Variants in SLIT2 observed in about 807,000 individuals in gnomAD.
SLIT2 encodes the protein slit guidance ligand 2.
In SLIT2, 41 loss-of-function variants were observed where a neutral mutation model predicts 185.7. The observed-to-expected ratio is 0.22, with a 90% CI of 0.17 to 0.29. SLIT2 has a LOEUF of 0.29. Among genes scored for constraint, SLIT2 ranks in the 10% least tolerant of loss-of-function variants. The pLI is 1.00. For missense variants in SLIT2, 1,571 were observed against 1,909.0 expected, an observed-to-expected ratio of 0.82 and a Z score of 3.30; for synonymous variants, 693 against 680.2, an observed-to-expected ratio of 1.02 and a Z score of -0.29.
At chr4:20,342,676 A>G (rs971326154) in intron 4 of SLIT2, among the ~76,000 whole-genome samples, 2 of 134,270 alleles carry the variant, frequency 1.5e-5, no homozygotes, top group Non-Finnish European at 3.2e-5. Flanking sequence ...TAGATATCTT[A>G]TAGTTATTTG....
chr4:20,418,058 C>T lies in SLIT2; in HGVS notation c.396-49694C>T, dbSNP rs548219690. Reference sequence around the variant, plus strand: ...TAGTAGAGTGTACCACTGGAAGAGGCAGAGACATTTTCTGTCTTAATGTTG... The same window carrying T: ...TAGTAGAGTGTACCACTGGAAGAGGTAGAGACATTTTCTGTCTTAATGTTG... On this transcript the variant is annotated intron_variant, in intron 4 of 36. Coordinates refer to ENST00000504154, the MANE Select transcript of SLIT2 (RefSeq NM_004787.4). Among the ~76,000 whole-genome samples, 8 of 152,258 alleles carry T rather than the reference C, an allele frequency of 5.3e-5. No homozygotes were observed. In the East Asian group the frequency reaches 1.6e-3, roughly 30 times the overall value.
chr4:20,383,633 C>A (rs1433662922), intron 4 of SLIT2, among the ~76,000 whole-genome samples: 1 of 152,114 alleles, frequency 6.6e-6, no homozygotes, highest in African/African-American at 2.4e-5. Context: ...AAAAATGGTT[C>A]ATTTATATTG....
At chr4:20,436,761 T>C (rs527539856) in intron 4 of SLIT2, among the ~76,000 whole-genome samples, 41 of 152,216 alleles carry the variant, frequency 2.7e-4, no homozygotes, top group Non-Finnish European at 4.9e-4. Flanking sequence ...GCTACAAAAA[T>C]ATGGCCTGCA....
chr4:20,407,320 C>T (rs1577594403), intron 4 of SLIT2, among the ~76,000 whole-genome samples: 1 of 152,104 alleles, frequency 6.6e-6, no homozygotes, highest in Non-Finnish European at 1.5e-5. Flanking sequence ...CTCTAAGCAA[C>T]TTATTTAAAA....
chr4:20,443,472 A>G (rs1729920257), intron 4 of SLIT2, among the ~76,000 whole-genome samples: 1 of 151,752 alleles, frequency 6.6e-6, no homozygotes, highest in Non-Finnish European at 1.5e-5. Flanking sequence ...CCAAGCAGAT[A>G]ACTTTTAGCT....
chr4:20,456,620 A>T lies in SLIT2; in HGVS notation c.396-11132A>T, dbSNP rs79395031. On this transcript the variant is annotated intron_variant, in intron 4 of 36. Transcript: ENST00000504154. ...CAGTCATTTTGATGAGAAAAATAGG[A>T]TCACATTTTTTATGTGTCTTCATAA... 5.8e-4 allele frequency among the ~76,000 whole-genome samples: 89 copies of T among 152,238 alleles called. 1 individual carries two copies. The East Asian group carries it at 0.016, about 27-fold the overall frequency.
chr4:20,602,743 C>A (rs1356581913), intron 33 of SLIT2, among the ~76,000 whole-genome samples: 3 of 152,286 alleles, frequency 2.0e-5, no homozygotes, highest in South Asian at 4.1e-4. Context: ...CATGTCTTCT[C>A]ATATCCAAGT....
At chr4:20,355,065 G>C (rs150561099) in intron 4 of SLIT2, among the ~76,000 whole-genome samples, 71 of 151,834 alleles carry the variant, frequency 4.7e-4, no homozygotes, top group African/African-American at 1.7e-3. Context: ...CCTAATTTTC[G>C]TGTTGATTAA....
chr4:20,601,411 A>G (rs1049576089), intron 33 of SLIT2, among the ~76,000 whole-genome samples: 6 of 152,218 alleles, frequency 3.9e-5, no homozygotes, highest in African/African-American at 7.2e-5. Flanking sequence ...AACCATAAAC[A>G]ATGATGGCTA....
chr4:20,319,732 G>T (rs1465065829), intron 4 of SLIT2, among the ~76,000 whole-genome samples: 1 of 151,088 alleles, frequency 6.6e-6, no homozygotes, highest in East Asian at 2.0e-4. Flanking sequence ...CTTAGTTATC[G>T]TTTTCTCAGG....
chr4:20,537,070 G>A (rs1043970063), intron 18 of SLIT2, among the ~76,000 whole-genome samples: 17 of 152,278 alleles, frequency 1.1e-4, no homozygotes, highest in African/African-American at 4.1e-4. Flanking sequence ...GGAAGGACCT[G>A]CCTGAGGCTG....
In SLIT2 at chr4:20,256,017, G is replaced by A. The variant is rs574272285; in HGVS notation, c.180-655G>A. On this transcript the variant is annotated intron_variant, in intron 1 of 36. Transcript: ENST00000504154. The stretch of plus-strand genomic sequence containing the variant: ...CAGAAATCTGAACAAAAATGTCAGG[G>A]CCTGAATACTATTTCCATTCTTGCC... Among the ~76,000 whole-genome samples, 12 of 152,258 alleles carry A rather than the reference G, an allele frequency of 7.9e-5. No individual in the cohort carries two copies. In the East Asian group the frequency reaches 2.3e-3, roughly 29 times the overall value.
At chr4:20,485,887 G>A (rs1717184471) in intron 6 of SLIT2, among the ~76,000 whole-genome samples, 1 of 152,158 alleles carries the variant, frequency 6.6e-6, no homozygotes, top group African/African-American at 2.4e-5. Flanking sequence ...ACTATCCCGT[G>A]TTTATTTCTT....
In SLIT2 at chr4:20,550,838, G is replaced by C. The variant is rs746601970; in HGVS notation, c.2501G>C (p.Gly834Ala). The C allele has an allele frequency of 1.2e-6, 2 of 1,604,016 alleles. No individual in the cohort carries two copies. The highest frequency in any genetic ancestry group is 1.7e-6 in the Non-Finnish European group (2 of 1,172,490). Residue 834 changes from glycine to alanine, a missense_variant, in exon 25 of 37, where the codon GGA becomes GCA. This residue lies in a region of SLIT2 where 1,202 missense variants were observed against 1,416.4 expected (regional missense o/e 0.85). Coordinates refer to ENST00000504154, the MANE Select transcript of SLIT2 (RefSeq NM_004787.4). The stretch of plus-strand genomic sequence containing the variant: ...TTTCTTTCTTTTAGTTCTCTACATG[G>C]AAATGACATTTCTGTTGTGCCTGAA... ...LKSLRLLSLH[G>A]NDISVVPEGA... is the part of the protein sequence containing the mutation.
At chr4:20,504,999 G>C (rs1257995593) in intron 9 of SLIT2, among the ~76,000 whole-genome samples, 4 of 151,984 alleles carry the variant, frequency 2.6e-5, no homozygotes, top group Admixed American at 6.6e-5. Context: ...GACATTCAGG[G>C]GGTCTTGGAA....
chr4:20,417,436 G>GTGTATATA (rs1553898364), intron 4 of SLIT2, among the ~76,000 whole-genome samples: 12 of 123,670 alleles, frequency 9.7e-5, no homozygotes, highest in South Asian at 4.8e-4. Context: ...ATGTGTGTGT[G>GTGTATATA]TATATATATA....
chr4:20,594,252 T>C (rs1444943629), intron 30 of SLIT2, among the ~76,000 whole-genome samples: 2 of 149,750 alleles, frequency 1.3e-5, no homozygotes, highest in Non-Finnish European at 3.0e-5. Flanking sequence ...TACATATACA[T>C]ATACATACAC....
chr4:20,339,361 G>T (rs1235130455), intron 4 of SLIT2, among the ~76,000 whole-genome samples: 3 of 152,060 alleles, frequency 2.0e-5, no homozygotes, highest in Non-Finnish European at 4.4e-5. Context: ...TAGTGCCGGG[G>T]TGTACACAGT....
intron 4 of SLIT2, among the ~76,000 whole-genome samples, chr4:20,395,858 A>AT (rs541671608): frequency 6.6e-6 from 1 of 152,006 alleles, no homozygotes; most frequent in Admixed American, 6.6e-5. Context: ...AAAGACACAC[A>AT]TTTTTTCAAG....
Sources: allele counts gnomAD v4.1 joint callset (sites outside exome capture counted in the v4.1 genomes callset), GRCh38; gene constraint gnomAD v4.1.1; regional missense constraint gnomAD v4.1.1; transcripts MANE v1.5; gene names NCBI Gene and HGNC (gene_info 2026-07-23, HGNC 2026-07-21).